The following ADGRL3 variants were observed in gnomAD, a reference collection of about 807,000 sequenced individuals.
ADGRL3 encodes calcium-independent alpha-latrotoxin receptor 3.
A neutral mutation model predicts 153.5 loss-of-function variants in ADGRL3; 62 were observed. That is an observed-to-expected ratio of 0.40 (90% confidence interval 0.33 to 0.50). ADGRL3 has a LOEUF of 0.50. ADGRL3 is among the 20% of genes least tolerant of loss of function. The probability of loss-of-function intolerance (pLI) is 0.47; values close to 1 mark genes in which losing one functional copy is unlikely to be tolerated. For synonymous variants in ADGRL3, 710 were observed against 672.5 expected (o/e 1.06, Z -0.86); for missense variants, 1,641 against 1,859.4 (o/e 0.88, Z 2.16).
At chr4:61,750,979 G>A (rs1023611917) in intron 8 of ADGRL3, among the ~76,000 whole-genome samples, 4 of 152,090 alleles carry the variant, frequency 2.6e-5, no homozygotes, top group Admixed American at 6.5e-5. Flanking sequence ...AAGTTGAGCC[G>A]CAGATGTTGA....
chr4:62,048,115 A>G (rs1000542660), intron 25 of ADGRL3, among the ~76,000 whole-genome samples: 1 of 152,080 alleles, frequency 6.6e-6, no homozygotes, highest in African/African-American at 2.4e-5. Flanking sequence ...TCTAATTCAA[A>G]TCTCTAGTAA....
chr4:61,330,313 C>T (rs537605317), intron 1 of ADGRL3, among the ~76,000 whole-genome samples: 4 of 152,134 alleles, frequency 2.6e-5, no homozygotes, highest in Non-Finnish European at 5.9e-5. Flanking sequence ...AAGAAGATAG[C>T]CCTCAGCAAT....
intron 5 of ADGRL3, among the ~76,000 whole-genome samples, chr4:61,599,411 C>T (rs1322782187): frequency 1.3e-5 from 2 of 152,176 alleles, no homozygotes; most frequent in African/African-American, 4.8e-5. Context: ...GCAATCTGGG[C>T]TCCCTCCACC....
rs540669059 is a variant in ADGRL3 at position 61,693,349 on chromosome 4, G to GT, written c.583+16420dup. 3.8e-4 allele frequency among the ~76,000 whole-genome samples: 57 copies of GT among 151,370 alleles called. No individual in the cohort carries two copies. The South Asian group carries it at 0.011, about 30-fold the overall frequency. ...ATGAATAGCTCTAGCTCCAACCAAA[G>GT]TTTTTTCTATTTTTTTTTCTTAATG... On this transcript the variant is annotated intron_variant, in intron 6 of 26. Coordinates refer to ENST00000683033, the MANE Select transcript of ADGRL3 (RefSeq NM_001387552.1).
intron 17 of ADGRL3, among the ~76,000 whole-genome samples, chr4:61,962,277 T>C (rs1031034981): frequency 6.6e-6 from 1 of 152,096 alleles, no homozygotes; most frequent in Non-Finnish European, 1.5e-5. Context: ...ACTGATATTA[T>C]ATTACTTAAC....
At chr4:61,326,892 T>C (rs980309655) in intron 1 of ADGRL3, among the ~76,000 whole-genome samples, 1 of 151,944 alleles carries the variant, frequency 6.6e-6, no homozygotes, top group African/African-American at 2.4e-5. Context: ...TTGGCTATCA[T>C]TGATGCTAAG....
intron 13 of ADGRL3, among the ~76,000 whole-genome samples, chr4:61,928,641 T>C (rs964927925): frequency 2.0e-5 from 3 of 152,202 alleles, no homozygotes; most frequent in Non-Finnish European, 2.9e-5. Flanking sequence ...TAAATATGCA[T>C]TTCTTATTCA....
intron 5 of ADGRL3, among the ~76,000 whole-genome samples, chr4:61,599,684 A>G (rs1241512370): frequency 2.0e-5 from 3 of 152,108 alleles, no homozygotes; most frequent in African/African-American, 7.2e-5. Flanking sequence ...AGGGACAGAT[A>G]GAGTAATTAT....
intron 8 of ADGRL3, among the ~76,000 whole-genome samples, chr4:61,810,075 C>A (rs2097593462): frequency 6.6e-6 from 1 of 152,066 alleles, no homozygotes. Context: ...CATGATCTTA[C>A]CCATTAAACT....
At chr4:61,669,434 A>G (rs982958660) in intron 5 of ADGRL3, among the ~76,000 whole-genome samples, 2 of 152,188 alleles carry the variant, frequency 1.3e-5, no homozygotes, top group East Asian at 3.9e-4. Flanking sequence ...CTACTGATAT[A>G]TGCATCTATT....
At chr4:61,302,227 G>A (rs970877944) in intron 1 of ADGRL3, among the ~76,000 whole-genome samples, 1 of 151,960 alleles carries the variant, frequency 6.6e-6, no homozygotes, top group African/African-American at 2.4e-5. Flanking sequence ...GGTGATGATG[G>A]GCAATAATAG....
chr4:61,306,839 C>T (rs921062107), intron 1 of ADGRL3, among the ~76,000 whole-genome samples: 6 of 152,184 alleles, frequency 3.9e-5, no homozygotes, highest in African/African-American at 9.6e-5. Flanking sequence ...CATTCCTTCA[C>T]GTGTGCAACC....
chr4:61,286,305 CT>C (rs1215849315), intron 1 of ADGRL3, among the ~76,000 whole-genome samples: 234 of 138,062 alleles, frequency 1.7e-3, no homozygotes, highest in Middle Eastern at 3.9e-3. Context: ...TGAAGGTTTT[CT>C]TTTTTTTTTT....
chr4:61,653,562 CATTT>C (rs1165330829), intron 5 of ADGRL3, among the ~76,000 whole-genome samples: 1 of 152,108 alleles, frequency 6.6e-6, no homozygotes, highest in Non-Finnish European at 1.5e-5. Flanking sequence ...GGTATCTCTT[CATTT>C]GAGTATTACT....
chr4:61,898,338 C>T (rs187248292), intron 11 of ADGRL3, among the ~76,000 whole-genome samples: 9 of 152,218 alleles, frequency 5.9e-5, no homozygotes, highest in Admixed American at 6.5e-5. Context: ...CATGGCTCAT[C>T]ATCTAGAGCC....
intron 8 of ADGRL3, among the ~76,000 whole-genome samples, chr4:61,750,915 G>C (rs971001425): frequency 6.6e-6 from 1 of 152,200 alleles, no homozygotes; most frequent in Non-Finnish European, 1.5e-5. Flanking sequence ...GTGTTGTAGA[G>C]CAGGATTCCT....
chr4:61,465,833 A>G (rs2097875274), intron 2 of ADGRL3, among the ~76,000 whole-genome samples: 1 of 150,372 alleles, frequency 6.7e-6, no homozygotes, highest in Non-Finnish European at 1.5e-5. Context: ...AAAATAATCC[A>G]ACTCATGGCT....
chr4:61,902,650 G>C (rs2098670973), intron 11 of ADGRL3, among the ~76,000 whole-genome samples: 1 of 151,870 alleles, frequency 6.6e-6, no homozygotes, highest in Non-Finnish European at 1.5e-5. Flanking sequence ...GTTTCTCTAA[G>C]ACTCCATGCC....
At chr4:61,595,356 A>T (rs1355786634) in intron 5 of ADGRL3, among the ~76,000 whole-genome samples, 2 of 152,228 alleles carry the variant, frequency 1.3e-5, no homozygotes, top group Non-Finnish European at 1.5e-5. Context: ...TCAGGGCCCA[A>T]GCGTTCTTTA....
Sources: allele counts gnomAD v4.1 joint callset (sites outside exome capture counted in the v4.1 genomes callset), GRCh38; gene constraint gnomAD v4.1.1; transcripts MANE v1.5; gene names NCBI Gene and HGNC (gene_info 2026-07-23, HGNC 2026-07-21).